ATOH8: variants seen among roughly 807,000 people sequenced by gnomAD.
ATOH8 encodes the protein atonal bHLH transcription factor 8, also known as transcription factor ATOH8.
ATOH8 carries 9 observed loss-of-function variants against 21.2 expected under a neutral mutation model. The observed-to-expected ratio is 0.42, with a 90% CI of 0.26 to 0.74. The LOEUF (loss-of-function observed/expected upper bound fraction) is 0.74, where lower values mean the gene tolerates loss of function less well. ATOH8 is among the 30% of genes least tolerant of loss of function. The probability of loss-of-function intolerance (pLI) is 0.24; values close to 1 mark genes in which losing one functional copy is unlikely to be tolerated. For synonymous variants in ATOH8, 253 were observed against 224.0 expected (o/e 1.13, Z -1.16); for missense variants, 524 against 470.9 (o/e 1.11, Z -1.04).
intron 2 of ATOH8, among the ~76,000 whole-genome samples, chr2:85,775,534 A>G (rs1387885510): frequency 6.6e-6 from 1 of 152,212 alleles, no homozygotes; most frequent in African/African-American, 2.4e-5. Flanking sequence ...TTCATAGTTC[A>G]GAAATCAGCT....
intron 2 of ATOH8, among the ~76,000 whole-genome samples, chr2:85,782,143 A>C (rs1244993605): frequency 6.6e-6 from 1 of 152,182 alleles, no homozygotes; most frequent in Non-Finnish European, 1.5e-5. Flanking sequence ...TTCACCTTTT[A>C]GTTTTAAAAT....
chr2:85,782,023 A>C (rs544882544), intron 2 of ATOH8, among the ~76,000 whole-genome samples: 3 of 152,254 alleles, frequency 2.0e-5, no homozygotes, highest in Non-Finnish European at 4.4e-5. Context: ...ATTCAGAGGC[A>C]AACACGAAGC....
Position 85,785,338 on chromosome 2 carries a change from A to G in ATOH8, c.961-1547A>G, listed in dbSNP as rs1487812854. Reference sequence around the variant, plus strand: ...CTCCTCCTCAGACTCGGTAACACAAAGCAGATTCCTGCTGGGGCCAGCCAT... The same window carrying G: ...CTCCTCCTCAGACTCGGTAACACAAGGCAGATTCCTGCTGGGGCCAGCCAT... On this transcript the variant is annotated intron_variant, in intron 2 of 2. Transcript: ENST00000306279. The surrounding 1 kb of genome is among the most constrained non-coding windows in gnomAD (Gnocchi z 4.1). 3.3e-5 allele frequency among the ~76,000 whole-genome samples: 5 copies of G among 152,200 alleles called. No individual in the cohort carries two copies. Among genetic ancestry groups the G allele is most frequent in the Non-Finnish European group, 7.4e-5 (5 of 68,016 alleles).
chr2:85,770,627 G>A (rs531568764), intron 2 of ATOH8, among the ~76,000 whole-genome samples: 16 of 152,236 alleles, frequency 1.1e-4, no homozygotes, highest in Non-Finnish European at 2.2e-4. Context: ...GTCTGGCAGG[G>A]CCTGGGCTGG....
rs1679633239 is a variant in ATOH8, at chr2:85,754,832, G to C, written c.643G>C (p.Gly215Arg). 6.2e-7 allele frequency: 1 copy of C among 1,612,676 alleles called. No homozygotes were observed. Among genetic ancestry groups the C allele is most frequent in the Non-Finnish European group, 8.5e-7 (1 of 1,179,908 alleles). The change falls in exon 1 of 3, where the codon GGC (glycine) becomes CGC (arginine). Residue 215 changes from glycine to arginine, a missense_variant. Gly to Arg is a moderately radical substitution (Grantham distance 125, BLOSUM62 -2). Coordinates refer to ENST00000306279, the MANE Select transcript of ATOH8 (RefSeq NM_032827.7). ...CTCCGCGTCGCCTAGGAAACGACCG[G>C]GCGAAGCGACTGCCGCCTCCTCCGA... ...DSSASPRKRP[G>R]EATAASSEIK...
rs1301429033 is a variant in ATOH8 at position 85,766,799 on chromosome 2, AC to A, written c.960+2620del. ...TTTGCGGTCATAATTGCTAGCTGTCACCCTCCATCTGTCTGTCTACCTGTCT... is the reference window on the plus strand; with the variant it reads ...TTTGCGGTCATAATTGCTAGCTGTCACCTCCATCTGTCTGTCTACCTGTCT... On this transcript the variant is annotated intron_variant, in intron 2 of 2. Coordinates refer to ENST00000306279, the MANE Select transcript of ATOH8 (RefSeq NM_032827.7). The surrounding 1 kb of genome is among the most constrained non-coding windows in gnomAD (Gnocchi z 4.0). Among the ~76,000 whole-genome samples the A allele has an allele frequency of 1.3e-5, 2 of 151,632 alleles. No homozygotes were observed. The highest frequency in any genetic ancestry group is 2.9e-5 in the Non-Finnish European group (2 of 67,926).
intron 1 of ATOH8, among the ~76,000 whole-genome samples, chr2:85,758,003 C>T (rs1186733680): frequency 5.3e-5 from 8 of 151,944 alleles, no homozygotes. Flanking sequence ...CCCAGGCTGG[C>T]CTCGAACTCC....
At position 85,754,030 on chromosome 2, in the gene ATOH8, G is replaced by C; in HGVS notation, c.-160G>C. On this transcript the variant is annotated 5_prime_UTR_variant, in exon 1 of 3. Coordinates refer to ENST00000306279, the MANE Select transcript of ATOH8 (RefSeq NM_032827.7). ...GCGCTCCGGGAACGGACAGCCCGGC[G>C]GCTTCCCGAAGCCGGCGGCGCAGCT... The C allele has an allele frequency of 1.2e-6, 1 of 811,738 alleles. No individual in the cohort carries two copies. The highest frequency in any genetic ancestry group is 1.8e-6 in the Non-Finnish European group (1 of 565,448). The allele number at this position is 811,738 out of a possible 1,614,324, so 50.3% of individuals were successfully genotyped here. A position where few individuals can be genotyped will look rare whatever the true frequency, so the allele number is the denominator to read the frequency against.
chr2:85,775,649 C>T (rs1227116746), intron 2 of ATOH8, among the ~76,000 whole-genome samples: 1 of 152,168 alleles, frequency 6.6e-6, no homozygotes. Context: ...CATCTACAGT[C>T]AGGGTAGGGG....
intron 1 of ATOH8, among the ~76,000 whole-genome samples, chr2:85,758,244 G>C (rs933025278): frequency 6.6e-6 from 1 of 152,234 alleles, no homozygotes; most frequent in Admixed American, 6.5e-5. Flanking sequence ...TGCTAAGCTT[G>C]TTATGTGTAT....
chr2:85,787,012 C>A lies in ATOH8; in HGVS notation c.*122C>A. ...TCCAAGATGCCGCCAGATGCCCAGCCTACAGCCTCTCAGGGTCGGATCGGA... is the reference window on the plus strand; with the variant it reads ...TCCAAGATGCCGCCAGATGCCCAGCATACAGCCTCTCAGGGTCGGATCGGA... On this transcript the variant is annotated 3_prime_UTR_variant, in exon 3 of 3. Transcript: ENST00000306279. 1 of 1,334,714 alleles carries A rather than the reference C, an allele frequency of 7.5e-7. No individual in the cohort carries two copies. Among genetic ancestry groups the A allele is most frequent in the Non-Finnish European group, 1.1e-6 (1 of 949,110 alleles). 82.7% of individuals were successfully genotyped at this position (1,334,714 alleles called of 1,614,324 possible).
chr2:85,762,986 C>G (rs944930506), intron 1 of ATOH8, among the ~76,000 whole-genome samples: 7 of 152,064 alleles, frequency 4.6e-5, no homozygotes, highest in African/African-American at 1.4e-4. Context: ...CGTCCCACCC[C>G]CTGTGGGATA....
intron 2 of ATOH8, among the ~76,000 whole-genome samples, chr2:85,765,573 C>A (rs554549856): frequency 5.6e-4 from 85 of 152,276 alleles, no homozygotes; most frequent in African/African-American, 1.9e-3. Flanking sequence ...ATGGCTCCCG[C>A]GGCGCTCGGT....
Position 85,766,687 on chromosome 2 carries a change from C to A in ATOH8, c.960+2505C>A, listed in dbSNP as rs1680024496. 6.6e-6 allele frequency among the ~76,000 whole-genome samples: 1 copy of A among 152,212 alleles called. No individual in the cohort carries two copies. The highest frequency in any genetic ancestry group is 1.5e-5 in the Non-Finnish European group (1 of 68,030). ...CAAGCAGCCAGATTCCTTTCCAGCTCAGGACCCCTGGAGTCGCTGGAGCCT... is the reference window on the plus strand; with the variant it reads ...CAAGCAGCCAGATTCCTTTCCAGCTAAGGACCCCTGGAGTCGCTGGAGCCT... On this transcript the variant is annotated intron_variant, in intron 2 of 2. Transcript: ENST00000306279. The surrounding 1 kb of genome is among the most constrained non-coding windows in gnomAD (Gnocchi z 4.0).
intron 2 of ATOH8, among the ~76,000 whole-genome samples, chr2:85,772,447 G>C (rs557193760): frequency 6.6e-6 from 1 of 151,880 alleles, no homozygotes; most frequent in African/African-American, 2.4e-5. Flanking sequence ...CAGATGTTCC[G>C]AGCGCTCGCT....
intron 2 of ATOH8, among the ~76,000 whole-genome samples, chr2:85,765,102 G>A (rs553624694): frequency 3.3e-5 from 5 of 152,354 alleles, no homozygotes; most frequent in Admixed American, 3.3e-4. Context: ...AAGGCTTAGT[G>A]CAGCCCTCCG....
Position 85,754,448 on chromosome 2 carries a change from A to C in ATOH8, c.259A>C (p.Arg87=), listed in dbSNP as rs192626718. 4.1e-3 allele frequency: 6,257 copies of C among 1,512,702 alleles called. 233 individuals are homozygous for C. In the African/African-American group the frequency reaches 0.082, roughly 20 times the overall value. 93.7% of individuals were successfully genotyped at this position (1,512,702 alleles called of 1,614,324 possible). Residue 87 remains arginine (R), a synonymous_variant, in exon 1 of 3, where the codon AGA becomes CGA. Coordinates refer to ENST00000306279, the MANE Select transcript of ATOH8 (RefSeq NM_032827.7). Reference sequence around the variant, plus strand: ...CCCAGTGGCGCCGGCCGTTCCCCCAAGAGGGGGCACGGACACAGCCGGGGA... The same window carrying C: ...CCCAGTGGCGCCGGCCGTTCCCCCACGAGGGGGCACGGACACAGCCGGGGA... ...PVPVAPAVPP[R]GGTDTAGERG...
At chr2:85,764,648 A>G (rs543167123) in intron 2 of ATOH8, among the ~76,000 whole-genome samples, 19 of 152,186 alleles carry the variant, frequency 1.2e-4, no homozygotes, top group Non-Finnish European at 2.6e-4. Flanking sequence ...GGTGATGGTC[A>G]TTCATTCATT....
In ATOH8 at chr2:85,754,665, C is replaced by T. The variant is rs762860338; in HGVS notation, c.476C>T (p.Pro159Leu). The T allele has an allele frequency of 6.5e-7, 1 of 1,543,164 alleles. No individual in the cohort carries two copies. Among genetic ancestry groups the T allele is most frequent in the African/African-American group, 1.4e-5 (1 of 72,816 alleles). The change falls in exon 1 of 3, where the codon CCG (proline) becomes CTG (leucine). Residue 159 changes from proline (P) to leucine (L), a missense_variant. Physicochemically the swap from Pro to Leu is moderately conservative, Grantham distance 98. Transcript: ENST00000306279. ...GLRPRILLCA[P>L]PARPAPSAPP... ...CGTCCTCGCATCTTGCTGTGCGCAC[C>T]GCCCGCGCGCCCCGCGCCGTCAGCA...
Sources: allele counts gnomAD v4.1 joint callset (sites outside exome capture counted in the v4.1 genomes callset), GRCh38; gene constraint gnomAD v4.1.1; non-coding constraint Gnocchi (gnomAD v3.1); transcripts MANE v1.5; gene names NCBI Gene and HGNC (gene_info 2026-07-23, HGNC 2026-07-21).